Variants in PHF2 observed in about 807,000 individuals in gnomAD.
The protein encoded by PHF2 is lysine-specific demethylase PHF2.
In PHF2, 27 loss-of-function variants were observed where a neutral mutation model predicts 120.5. The observed-to-expected ratio is 0.22, with a 90% CI of 0.17 to 0.31. The LOEUF (loss-of-function observed/expected upper bound fraction) is 0.31. Among genes scored for constraint, PHF2 ranks in the 10% least tolerant of loss-of-function variants. The pLI, the probability that PHF2 is intolerant of heterozygous loss-of-function variation, is 1.00. For missense variants in PHF2, 1,024 were observed against 1,434.8 expected, an observed-to-expected ratio of 0.71 and a Z score of 4.63; for synonymous variants, 568 against 592.5, an observed-to-expected ratio of 0.96 and a Z score of 0.60.
At chr9:93,605,638 A>G (rs535655104) in intron 1 of PHF2, among the ~76,000 whole-genome samples, 2 of 152,306 alleles carry the variant, frequency 1.3e-5, no homozygotes, top group Middle Eastern at 3.4e-3. Context: ...CTTTTGCAGA[A>G]TGTCATATAG....
intron 1 of PHF2, among the ~76,000 whole-genome samples, chr9:93,580,996 AG>A (rs1387396130): frequency 2.6e-5 from 4 of 152,180 alleles, no homozygotes; most frequent in Non-Finnish European, 5.9e-5. Context: ...CTGTGTACCC[AG>A]GGGGTGGGGA....
intron 1 of PHF2, among the ~76,000 whole-genome samples, chr9:93,621,282 G>T (rs896122122): frequency 6.6e-6 from 1 of 152,252 alleles, no homozygotes; most frequent in Non-Finnish European, 1.5e-5. Flanking sequence ...TAGGTGGTGA[G>T]GGGGTGCTGA....
At chr9:93,625,888 C>T (rs1032969543) in intron 1 of PHF2, among the ~76,000 whole-genome samples, 1 of 152,020 alleles carries the variant, frequency 6.6e-6, no homozygotes, top group Non-Finnish European at 1.5e-5. Flanking sequence ...ACAGTGCTTG[C>T]GTTTCTACCA....
chr9:93,576,977 G>GGCC (rs909618337), intron 1 of PHF2, 106 bp downstream of exon 1: 20 of 318,542 alleles, frequency 6.3e-5, no homozygotes, highest in East Asian at 1.8e-4. Context: ...CTCGGGGACG[G>GGCC]GCCGCCGCCG....
At chr9:93,663,727 A>G (rs759852294) in intron 14 of PHF2, 92 bp downstream of exon 14, 129 of 708,698 alleles carry the variant, frequency 1.8e-4, no homozygotes, top group Middle Eastern at 9.9e-4. Context: ...GCCTTATACC[A>G]CACACACATT....
At chr9:93,598,219 A>G (rs1313417989) in intron 1 of PHF2, among the ~76,000 whole-genome samples, 2 of 152,164 alleles carry the variant, frequency 1.3e-5, no homozygotes, top group Non-Finnish European at 2.9e-5. Context: ...GAAAAGCCCA[A>G]CTCACGCCAG....
rs1862971636 is a variant in PHF2 at position 93,583,473 on chromosome 9, TTGAGTAAC to T, written c.98+6605_98+6612del. On this transcript the variant is annotated intron_variant, in intron 1 of 21. Transcript: ENST00000359246. ...ATATGGTAACTCTATGTTTAACTTT[TTGAGTAAC>T]TGGCAAACTGTTTTCCACAGGGGCT... 3.3e-5 allele frequency among the ~76,000 whole-genome samples: 5 copies of T among 152,378 alleles called. No homozygotes were observed. The South Asian group carries it at 8.3e-4, about 25-fold the overall frequency.
At chr9:93,624,415 G>A (rs919828887) in intron 1 of PHF2, among the ~76,000 whole-genome samples, 4 of 151,860 alleles carry the variant, frequency 2.6e-5, no homozygotes, top group Non-Finnish European at 5.9e-5. Flanking sequence ...GATAATGATG[G>A]TGTGGCAATG....
chr9:93,666,173 GC>G (rs1564401073), intron 16 of PHF2, 113 bp downstream of exon 16: 3 of 1,092,970 alleles, frequency 2.7e-6, no homozygotes, highest in Non-Finnish European at 4.0e-6. Flanking sequence ...GCATGAGATG[GC>G]AAAGGGGCCC....
chr9:93,630,010 A>G lies in PHF2; in HGVS notation c.139A>G (p.Ile47Val). The change falls in exon 2 of 22, where the codon ATA (isoleucine) becomes GTA (valine). Residue 47 changes from isoleucine to valine, a missense_variant. By Grantham distance (29) the Ile-to-Val change is conservative. Coordinates refer to ENST00000359246, the MANE Select transcript of PHF2 (RefSeq NM_005392.4). ...VEEEEAPDIDIYHCPNCEKTH... is the reference protein window; with the variant it reads ...VEEEEAPDIDVYHCPNCEKTH... ...AGAGGAGGAGGCGCCCGACATCGAC[A>G]TATACCACTGCCCAAACTGTGAGAA... The G allele has an allele frequency of 6.2e-7, 1 of 1,613,944 alleles. No individual in the cohort carries two copies. Among genetic ancestry groups the G allele is most frequent in the Non-Finnish European group, 8.5e-7 (1 of 1,180,032 alleles).
rs750708120 is a variant in PHF2, at chr9:93,653,191, C to G, written c.615C>G (p.Phe205Leu). The change falls in exon 6 of 22, where the codon TTC (phenylalanine) becomes TTG (leucine). Residue 205 changes from phenylalanine (F) to leucine (L), a missense_variant. Around this residue, in one of 2 missense-constraint regions of PHF2, gnomAD observed 347 missense variants for 577.4 expected, o/e 0.60. Transcript: ENST00000359246. ...CTCCCACCCCTAGAATGTCCAGCTT[C>G]GTGGAGCCACCTGACATTGTAAAGA... ...LEFSDTRMSS[F>L]VEPPDIVKKL... The G allele has an allele frequency of 6.2e-7, 1 of 1,614,074 alleles. No individual in the cohort carries two copies. The highest frequency in any genetic ancestry group is 2.2e-5 in the East Asian group (1 of 44,880).
chr9:93,636,324 TG>T, intron 2 of PHF2, 86 bp from the exon 3 acceptor site: 1 of 974,278 alleles, frequency 1.0e-6, no homozygotes, highest in Non-Finnish European at 1.6e-6. Context: ...GTTAGTAGGC[TG>T]GGTGGGCCAA....
chr9:93,633,491 ACT>A (rs1826038081), intron 2 of PHF2, among the ~76,000 whole-genome samples: 1 of 151,628 alleles, frequency 6.6e-6, no homozygotes, highest in Non-Finnish European at 1.5e-5. Flanking sequence ...GGTTGGGGTG[ACT>A]CTGCTCAGCA....
chr9:93,629,809 C>A (rs1339738532), intron 1 of PHF2, among the ~76,000 whole-genome samples, 161 bp from the exon 2 acceptor site: 1 of 152,208 alleles, frequency 6.6e-6, no homozygotes, highest in African/African-American at 2.4e-5. Flanking sequence ...CTCTTTCCCT[C>A]CACCCTGCTT....
chr9:93,642,312 T>G (rs986497175), intron 3 of PHF2, among the ~76,000 whole-genome samples: 3 of 152,360 alleles, frequency 2.0e-5, no homozygotes, highest in Non-Finnish European at 1.5e-5. Context: ...TGCAAAGAAG[T>G]CAGCTGGGAT....
chr9:93,675,125 C>T, intron 19 of PHF2, 103 bp downstream of exon 19: 1 of 920,036 alleles, frequency 1.1e-6, no homozygotes, highest in East Asian at 2.5e-5. Flanking sequence ...CTCAGCTCTG[C>T]ACCTGTCCTA....
At chr9:93,621,551 G>A (rs933285971) in intron 1 of PHF2, among the ~76,000 whole-genome samples, 18 of 152,346 alleles carry the variant, frequency 1.2e-4, no homozygotes, top group Non-Finnish European at 2.2e-4. Context: ...CTGTGCCAGG[G>A]CAGAGCGTCC....
Position 93,655,963 on chromosome 9 carries a change from G to T in PHF2, c.982G>T (p.Asp328Tyr). The T allele has an allele frequency of 6.2e-7, 1 of 1,612,868 alleles. No homozygotes were observed. The highest frequency in any genetic ancestry group is 8.5e-7 in the Non-Finnish European group (1 of 1,179,784). Reference protein sequence around the residue: ...GWIYATLTPVDCLAFAGHFLH... With the variant: ...GWIYATLTPVYCLAFAGHFLH... ...GATCTACGCCACACTCACCCCTGTG[G>T]ACTGCCTGGCCTTCGCGGGACATTT... The change falls in exon 8 of 22, where the codon GAC becomes TAC. Residue 328 changes from aspartate to tyrosine, a missense_variant. This residue lies in a region of PHF2 where 347 missense variants were observed against 577.4 expected (regional missense o/e 0.60). Coordinates refer to ENST00000359246, the MANE Select transcript of PHF2 (RefSeq NM_005392.4).
chr9:93,645,083 GAGAC>G (rs1396245999), intron 3 of PHF2, among the ~76,000 whole-genome samples: 1 of 152,226 alleles, frequency 6.6e-6, no homozygotes, highest in Non-Finnish European at 1.5e-5. Flanking sequence ...GGGCGAGAGA[GAGAC>G]AGAAGGAGAC....
Sources: gnomAD v4.1 joint callset for allele counts (sites outside exome capture counted in the v4.1 genomes callset) on GRCh38, gnomAD v4.1.1 for gene constraint, gnomAD v4.1.1 regional missense constraint, MANE v1.5 for transcripts, NCBI Gene and HGNC (gene_info 2026-07-23, HGNC 2026-07-21) for gene names.